The following IGBP1C variants were observed in gnomAD, a reference collection of about 807,000 sequenced individuals.
IGBP1C encodes the protein immunoglobulin-binding protein 1 family member C.
At chr17:58,661,238 T>C in the IGBP1C span, 3 of 794,436 alleles carry the variant, frequency 3.8e-6, no homozygotes, top group East Asian at 2.4e-5. Flanking sequence ...GGCCACACGA[T>C]AGTAATGGCA....
the IGBP1C span, among the ~76,000 whole-genome samples, chr17:58,669,090 G>A: frequency 6.6e-6 from 1 of 152,150 alleles, no homozygotes; most frequent in Admixed American, 6.6e-5. Flanking sequence ...AGTGGCTCAT[G>A]CCTATAATCC....
At chr17:58,676,622 T>A in the IGBP1C span, among the ~76,000 whole-genome samples, 12 of 152,106 alleles carry the variant, frequency 7.9e-5, no homozygotes, top group Non-Finnish European at 1.5e-4. Context: ...CTAAAGGTGA[T>A]CATTCAAAGT....
chr17:58,676,396 A>C, the IGBP1C span, among the ~76,000 whole-genome samples: 2 of 150,044 alleles, frequency 1.3e-5, no homozygotes, highest in African/African-American at 2.5e-5. Flanking sequence ...CAAAAAAACA[A>C]AAAAAAACAC....
chr17:58,665,008 T>C, the IGBP1C span, among the ~76,000 whole-genome samples: 2 of 152,072 alleles, frequency 1.3e-5, no homozygotes, highest in Non-Finnish European at 2.9e-5. Context: ...AGCAGGCATG[T>C]AAGTTTGTGG....
chr17:58,662,927 G>T, the IGBP1C span, among the ~76,000 whole-genome samples: 1 of 151,608 alleles, frequency 6.6e-6, no homozygotes. Context: ...AGACCATGGT[G>T]AAACCCCGTC....
the IGBP1C span, among the ~76,000 whole-genome samples, chr17:58,683,215 A>G: frequency 6.6e-6 from 1 of 151,446 alleles, no homozygotes; most frequent in Non-Finnish European, 1.5e-5. Context: ...TCTACTAAAG[A>G]TACAAAAATT....
At chr17:58,667,279 T>G in the IGBP1C span, among the ~76,000 whole-genome samples, 1 of 152,194 alleles carries the variant, frequency 6.6e-6, no homozygotes, top group Admixed American at 6.6e-5. Context: ...CAATATAGCG[T>G]TCACAATGCA....
chr17:58,662,415 TCA>T, the IGBP1C span, among the ~76,000 whole-genome samples: 29,312 of 114,532 alleles, frequency 0.26, 2,920 homozygotes, highest in Non-Finnish European at 0.28. Flanking sequence ...CACACATATC[TCA>T]CACACACACA....
the IGBP1C span, among the ~76,000 whole-genome samples, chr17:58,682,201 C>T: frequency 2.0e-5 from 3 of 151,770 alleles, no homozygotes; most frequent in Non-Finnish European, 2.9e-5. Context: ...GACCCGTCTC[C>T]GCCTCCCAGA....
At chr17:58,668,156 T>C in the IGBP1C span, among the ~76,000 whole-genome samples, 1 of 152,156 alleles carries the variant, frequency 6.6e-6, no homozygotes. Flanking sequence ...AGAATTCCTC[T>C]TACCCCTGAT....
chr17:58,667,211 G>A, the IGBP1C span, among the ~76,000 whole-genome samples: 1 of 152,138 alleles, frequency 6.6e-6, no homozygotes, highest in Non-Finnish European at 1.5e-5. Context: ...AGGGGAACAG[G>A]GCATGCTAGC....
chr17:58,666,626 G>C, the IGBP1C span: 2 of 152,294 alleles, frequency 1.3e-5, no homozygotes, highest in East Asian at 1.9e-4. Context: ...TCAGCACAAA[G>C]TGCAACGAAT....
At chr17:58,684,290 C>T in the IGBP1C span, among the ~76,000 whole-genome samples, 1 of 151,650 alleles carries the variant, frequency 6.6e-6, no homozygotes, top group Admixed American at 6.6e-5. Flanking sequence ...GATGAAACCC[C>T]ATCTCTACTA....
chr17:58,690,005 G>A, the IGBP1C span, among the ~76,000 whole-genome samples: 273 of 148,000 alleles, frequency 1.8e-3, 5 homozygotes, highest in East Asian at 0.038. Context: ...GCCCACCACC[G>A]CACCCAGCTA....
At chr17:58,673,514 A>T in the IGBP1C span, among the ~76,000 whole-genome samples, 2 of 151,424 alleles carry the variant, frequency 1.3e-5, no homozygotes, top group African/African-American at 4.9e-5. Context: ...TAAATAAATA[A>T]ATAAATAATT....
the IGBP1C span, among the ~76,000 whole-genome samples, chr17:58,678,730 G>A: frequency 2.6e-5 from 4 of 151,596 alleles, no homozygotes; most frequent in African/African-American, 7.3e-5. Context: ...TGTAAATGAC[G>A]AGTTAATGGG....
At chr17:58,676,142 G>A in the IGBP1C span, among the ~76,000 whole-genome samples, 6 of 152,162 alleles carry the variant, frequency 3.9e-5, no homozygotes, top group African/African-American at 1.4e-4. Flanking sequence ...TTGGAAGGCT[G>A]ACGCAGGCAG....
the IGBP1C span, among the ~76,000 whole-genome samples, chr17:58,688,986 A>G: frequency 6.6e-6 from 1 of 152,090 alleles, no homozygotes; most frequent in South Asian, 2.1e-4. Flanking sequence ...GCTGGAGTGC[A>G]GTGGCATGAT....
chr17:58,689,435 G>A, the IGBP1C span, among the ~76,000 whole-genome samples: 9 of 151,494 alleles, frequency 5.9e-5, no homozygotes, highest in African/African-American at 9.7e-5. Flanking sequence ...TGGCCAGGAT[G>A]GTCTTGATCT....
Sources: gnomAD v4.1 joint callset for allele counts (sites outside exome capture counted in the v4.1 genomes callset) on GRCh38, gnomAD v4.1.1 for gene constraint, MANE v1.5 for transcripts, NCBI Gene and HGNC (gene_info 2026-07-23, HGNC 2026-07-21) for gene names.